Variants in MYO16 observed in about 807,000 individuals in gnomAD.
MYO16 encodes unconventional myosin-XVI.
In MYO16, 94 loss-of-function variants were observed where a neutral mutation model predicts 205.3. The observed-to-expected ratio is 0.46, with a 90% confidence interval of 0.39 to 0.54. The LOEUF (loss-of-function observed/expected upper bound fraction) is 0.54, where lower values mean the gene tolerates loss of function less well. Among genes scored for constraint, MYO16 ranks in the 20% least tolerant of loss-of-function variants. MYO16 has a pLI of 0.00. For synonymous variants in MYO16, 988 were observed against 954.0 expected, an observed-to-expected ratio of 1.04 and a Z score of -0.66; for missense variants, 2,315 against 2,387.5, an observed-to-expected ratio of 0.97 and a Z score of 0.63.
intron 4 of MYO16, among the ~76,000 whole-genome samples, chr13:108,728,845 G>A (rs1461599648): frequency 1.3e-5 from 2 of 152,084 alleles, no homozygotes; most frequent in South Asian, 2.1e-4. Context: ...ACACCATACT[G>A]CCCCTCTTCC....
chr13:108,810,712 G>A (rs1046081953), intron 7 of MYO16, among the ~76,000 whole-genome samples: 11 of 151,996 alleles, frequency 7.2e-5, no homozygotes, highest in Non-Finnish European at 1.5e-4. Flanking sequence ...TGTGTTTAGG[G>A]GAAAAAGCGT....
At chr13:108,773,030 T>G (rs1886018282) in intron 4 of MYO16, among the ~76,000 whole-genome samples, 1 of 152,168 alleles carries the variant, frequency 6.6e-6, no homozygotes, top group Non-Finnish European at 1.5e-5. Context: ...TGATGTTTGG[T>G]GAAAGCCCAC....
intron 12 of MYO16, among the ~76,000 whole-genome samples, chr13:108,880,504 T>A (rs1280628362): frequency 1.3e-5 from 2 of 152,214 alleles, no homozygotes; most frequent in Non-Finnish European, 2.9e-5. Context: ...AGGTCTAACA[T>A]TTAAGTCTTT....
Position 108,899,236 on chromosome 13 carries a change from T to A in MYO16, c.1777+1103T>A, listed in dbSNP as rs547939326. ...GTCAGGAGTTTGAGACCAGCCTGAC[T>A]AACATGGAGAAACCCCGTCTCTACT... On this transcript the variant is annotated intron_variant, in intron 15 of 34. Transcript: ENST00000457511. Among the ~76,000 whole-genome samples, 11 of 152,098 alleles carry A rather than the reference T, an allele frequency of 7.2e-5. No homozygotes were observed. In the East Asian group the frequency reaches 1.9e-3, roughly 27 times the overall value.
At chr13:109,024,788 A>G (rs1886308137) in intron 23 of MYO16, among the ~76,000 whole-genome samples, 1 of 152,150 alleles carries the variant, frequency 6.6e-6, no homozygotes, top group African/African-American at 2.4e-5. Context: ...AGACTCCCTG[A>G]GGACTCATTC....
rs115566837 is a variant in MYO16 at position 108,946,024 on chromosome 13, C to A, written c.1926-11664C>A. 9.0e-3 allele frequency among the ~76,000 whole-genome samples: 1,376 copies of A among 152,132 alleles called. 29 individuals are homozygous for A. The highest frequency in any genetic ancestry group is 0.032 in the African/African-American group (1,324 of 41,502). ...GTCTGTGTGCCTGGGGGTAGACATG[C>A]CATTTTTTGAAGATAAAATTTGCTG... On this transcript the variant is annotated intron_variant, in intron 16 of 34. Transcript: ENST00000457511.
intron 16 of MYO16, among the ~76,000 whole-genome samples, chr13:108,954,400 C>T (rs535582467): frequency 7.9e-5 from 12 of 152,212 alleles, no homozygotes; most frequent in Non-Finnish European, 1.3e-4. Flanking sequence ...AAACCTGCTG[C>T]GAGGACCAGA....
At chr13:109,177,808 A>T (rs1048168333) in intron 33 of MYO16, among the ~76,000 whole-genome samples, 1 of 152,150 alleles carries the variant, frequency 6.6e-6, no homozygotes, top group Non-Finnish European at 1.5e-5. Flanking sequence ...GAGCCAGTGC[A>T]CCCAGCCCCG....
At chr13:108,760,297 T>G (rs1010481768) in intron 4 of MYO16, among the ~76,000 whole-genome samples, 3 of 152,188 alleles carry the variant, frequency 2.0e-5, no homozygotes, top group Non-Finnish European at 4.4e-5. Flanking sequence ...TACAGGTATT[T>G]TATCTCCTTT....
intron 1 of MYO16, among the ~76,000 whole-genome samples, chr13:108,614,992 A>T (rs1268355759): frequency 1.3e-5 from 2 of 152,126 alleles, no homozygotes; most frequent in Non-Finnish European, 2.9e-5. Flanking sequence ...TATGTTTTAT[A>T]GGTCATCATC....
At chr13:108,927,595 A>G (rs1348313471) in intron 16 of MYO16, among the ~76,000 whole-genome samples, 5 of 152,198 alleles carry the variant, frequency 3.3e-5, no homozygotes, top group Non-Finnish European at 7.3e-5. Context: ...GTATATTTAT[A>G]TTTTACATGA....
chr13:108,845,701 G>C (rs1479675920), intron 10 of MYO16, among the ~76,000 whole-genome samples: 1 of 152,112 alleles, frequency 6.6e-6, no homozygotes, highest in East Asian at 1.9e-4. Flanking sequence ...CAAAGGTTAG[G>C]TAAAATTTAA....
At chr13:109,196,516 G>A (rs1417740282) in intron 34 of MYO16, among the ~76,000 whole-genome samples, 1 of 152,114 alleles carries the variant, frequency 6.6e-6, no homozygotes, top group African/African-American at 2.4e-5. Context: ...GTGTTCAGAG[G>A]CACAGACATT....
chr13:108,840,391 C>A (rs1877182098), intron 9 of MYO16, among the ~76,000 whole-genome samples: 1 of 152,102 alleles, frequency 6.6e-6, no homozygotes, highest in East Asian at 1.9e-4. Context: ...AGATGGGCTG[C>A]AAAGTGGTGA....
At chr13:108,923,633 C>T (rs1053171426) in intron 16 of MYO16, among the ~76,000 whole-genome samples, 2 of 152,210 alleles carry the variant, frequency 1.3e-5, no homozygotes, top group Admixed American at 1.3e-4. Context: ...TTTCACTGCC[C>T]CAATGCGGCC....
At chr13:108,727,622 T>A in intron 4 of MYO16, 39 bp downstream of exon 4, 1 of 1,587,566 alleles carries the variant, frequency 6.3e-7, no homozygotes, top group South Asian at 1.1e-5. Context: ...GAAGATTTGA[T>A]GGCATGTAAA....
chr13:108,740,050 G>GA (rs1884848538), intron 4 of MYO16, among the ~76,000 whole-genome samples: 1 of 152,106 alleles, frequency 6.6e-6, no homozygotes, highest in Admixed American at 6.5e-5. Context: ...ATCTTTTTTA[G>GA]AGGTTTTTAG....
chr13:108,988,980 G>T (rs1040699038), intron 20 of MYO16, among the ~76,000 whole-genome samples: 3 of 152,068 alleles, frequency 2.0e-5, no homozygotes, highest in African/African-American at 7.2e-5. Flanking sequence ...CTCCTACCAC[G>T]ATGGGGCTCT....
At chr13:109,178,459 T>A (rs867052474) in intron 33 of MYO16, among the ~76,000 whole-genome samples, 18 of 152,224 alleles carry the variant, frequency 1.2e-4, no homozygotes, top group African/African-American at 4.3e-4. Context: ...CGTGCACTGA[T>A]TGTCTAATGA....
Sources: gnomAD v4.1 joint callset for allele counts (sites outside exome capture counted in the v4.1 genomes callset) on GRCh38, gnomAD v4.1.1 for gene constraint, MANE v1.5 for transcripts, NCBI Gene and HGNC (gene_info 2026-07-23, HGNC 2026-07-21) for gene names.